Variants in CAMSAP1 observed in about 807,000 individuals in gnomAD.
CAMSAP1 encodes the protein calmodulin-regulated spectrin-associated protein 1.
CAMSAP1 carries 58 observed loss-of-function variants against 143.5 expected under a neutral mutation model. That is an observed-to-expected ratio of 0.40 (90% CI 0.33 to 0.50). CAMSAP1 has a LOEUF of 0.50. CAMSAP1 is among the 20% of genes least tolerant of loss of function. The pLI, the probability that CAMSAP1 is intolerant of heterozygous loss-of-function variation, is 0.45. For synonymous variants in CAMSAP1, 945 were observed against 859.3 expected, an observed-to-expected ratio of 1.10 and a Z score of -1.74; for missense variants, 1,969 against 2,115.7, an observed-to-expected ratio of 0.93 and a Z score of 1.36.
At chr9:135,860,385 G>T (rs1469595466) in intron 5 of CAMSAP1, among the ~76,000 whole-genome samples, 2 of 152,082 alleles carry the variant, frequency 1.3e-5, no homozygotes, top group African/African-American at 4.8e-5. Flanking sequence ...ATCACCTGAG[G>T]TCAGGAGTTC....
At chr9:135,845,186 T>C (rs150862176) in intron 7 of CAMSAP1, among the ~76,000 whole-genome samples, 40 of 152,354 alleles carry the variant, frequency 2.6e-4, no homozygotes, top group African/African-American at 9.6e-4. Flanking sequence ...GTTGGCTTCA[T>C]ACCAGGGATG....
intron 7 of CAMSAP1, among the ~76,000 whole-genome samples, chr9:135,830,657 AG>A (rs890571701): frequency 1.7e-4 from 26 of 152,352 alleles, no homozygotes; most frequent in South Asian, 1.0e-3. Context: ...ATAAAAACAA[AG>A]AACAGCAGGC....
chr9:135,857,403 G>A (rs939824758), intron 5 of CAMSAP1, among the ~76,000 whole-genome samples: 1 of 152,050 alleles, frequency 6.6e-6, no homozygotes, highest in Non-Finnish European at 1.5e-5. Flanking sequence ...TCCTTCCCAA[G>A]AACTGGTTTT....
At chr9:135,886,830 C>T (rs907573479) in intron 1 of CAMSAP1, among the ~76,000 whole-genome samples, 1 of 152,178 alleles carries the variant, frequency 6.6e-6, no homozygotes, top group Non-Finnish European at 1.5e-5. Flanking sequence ...GAACCACTGC[C>T]CAGGAGGCGT....
Position 135,813,600 on chromosome 9 carries a change from C to T in CAMSAP1, c.4506+1497G>A, listed in dbSNP as rs550199561. 2.6e-5 allele frequency among the ~76,000 whole-genome samples: 4 copies of T among 152,302 alleles called. No homozygotes were observed. The East Asian group carries it at 7.7e-4, about 29-fold the overall frequency. ...ACGATAAGGAAGCGTGTGGTGCCCACAGCTTATGTGGCACAGCTGAGAGGG... is the reference window on the plus strand; with the variant it reads ...ACGATAAGGAAGCGTGTGGTGCCCATAGCTTATGTGGCACAGCTGAGAGGG... On this transcript the variant is annotated intron_variant, in intron 16 of 16. Coordinates refer to ENST00000389532, the MANE Select transcript of CAMSAP1 (RefSeq NM_015447.4).
chr9:135,902,527 G>A (rs1403250838), intron 1 of CAMSAP1, among the ~76,000 whole-genome samples: 2 of 152,158 alleles, frequency 1.3e-5, no homozygotes, highest in African/African-American at 2.4e-5. Flanking sequence ...TCATTTTAAC[G>A]AAAAGTCACT....
At chr9:135,837,655 C>T (rs1836130082) in intron 7 of CAMSAP1, among the ~76,000 whole-genome samples, 1 of 151,338 alleles carries the variant, frequency 6.6e-6, no homozygotes, top group African/African-American at 2.4e-5. Flanking sequence ...ACCCCTTCTA[C>T]AGACACACGT....
chr9:135,858,154 CT>C (rs34496524), intron 5 of CAMSAP1, among the ~76,000 whole-genome samples: 38,939 of 141,264 alleles, frequency 0.28, 5,525 homozygotes, highest in Non-Finnish European at 0.33. Context: ...TCCACTTTGC[CT>C]TTTTTTTTTT....
intron 1 of CAMSAP1, among the ~76,000 whole-genome samples, chr9:135,894,914 C>A (rs1472348373): frequency 2.6e-5 from 4 of 152,138 alleles, no homozygotes; most frequent in African/African-American, 9.7e-5. Context: ...TTAGAAAATT[C>A]TGGTAATGAG....
chr9:135,860,826 C>A (rs929088414), intron 5 of CAMSAP1, among the ~76,000 whole-genome samples: 1 of 152,170 alleles, frequency 6.6e-6, no homozygotes, highest in Non-Finnish European at 1.5e-5. Flanking sequence ...AAGAGTTTGT[C>A]TTCCAGCAGG....
chr9:135,863,452 C>A (rs1294912432), intron 4 of CAMSAP1, among the ~76,000 whole-genome samples: 1 of 152,192 alleles, frequency 6.6e-6, no homozygotes, highest in African/African-American at 2.4e-5. Flanking sequence ...TTCTTGCCAA[C>A]CACATTTTCT....
At chr9:135,815,655 T>C (rs1835204978) in intron 15 of CAMSAP1, among the ~76,000 whole-genome samples, 1 of 152,234 alleles carries the variant, frequency 6.6e-6, no homozygotes, top group African/African-American at 2.4e-5. Context: ...CGCTGCCCCC[T>C]GCACAGCAGA....
chr9:135,834,913 C>T lies in CAMSAP1; in HGVS notation c.1046-7329G>A, dbSNP rs560269392. Among the ~76,000 whole-genome samples, 3 of 152,210 alleles carry T rather than the reference C, an allele frequency of 2.0e-5. No individual in the cohort carries two copies. The East Asian group carries it at 5.8e-4, about 29-fold the overall frequency. ...AATAGGACCTGCCCCCATCTTCCCT[C>T]GCGGTCACCAGGCCTATAACCAGGG... On this transcript the variant is annotated intron_variant, in intron 7 of 16. Coordinates refer to ENST00000389532, the MANE Select transcript of CAMSAP1 (RefSeq NM_015447.4).
At chr9:135,861,978 G>C (rs923348153) in intron 5 of CAMSAP1, among the ~76,000 whole-genome samples, 1 of 152,162 alleles carries the variant, frequency 6.6e-6, no homozygotes, top group Non-Finnish European at 1.5e-5. Context: ...GTTCATAAAT[G>C]GTTCATAAAC....
chr9:135,883,221 T>C lies in CAMSAP1; in HGVS notation c.161-143A>G, dbSNP rs114416967. ...ACCAAGTGTCAAAAAAAATAATTGA[T>C]TGATTGATTAAATGAGCAACTAACA... On this transcript the variant is annotated intron_variant, in intron 1 of 16. Transcript: ENST00000389532. 4.8e-4 allele frequency: 416 copies of C among 859,412 alleles called. 4 individuals are homozygous for C. In the African/African-American group the frequency reaches 6.3e-3, roughly 13 times the overall value. 53.2% of individuals were successfully genotyped at this position (859,412 alleles called of 1,614,324 possible). A position where few individuals can be genotyped will look rare whatever the true frequency, so the allele number is the denominator to read the frequency against.
At position 135,821,535 on chromosome 9, in the gene CAMSAP1, A is replaced by C; in HGVS notation, c.3126T>G (p.Ser1042=). ...TCATCAGAAGCTGCTCTTGCTGCTG[A>C]GAGATTTTCAGGATGGCCTGCTGCA... ...STLQQAILKI[S]QQQEQLLMKS... The change falls in exon 11 of 17, where the codon TCT becomes TCG. Residue 1042 remains serine, a synonymous_variant. Coordinates refer to ENST00000389532, the MANE Select transcript of CAMSAP1 (RefSeq NM_015447.4). The surrounding 1 kb of genome is among the most constrained non-coding windows in gnomAD (Gnocchi z 4.6). The C allele has an allele frequency of 6.2e-7, 1 of 1,613,912 alleles. No individual in the cohort carries two copies. The highest frequency in any genetic ancestry group is 8.5e-7 in the Non-Finnish European group (1 of 1,179,888).
Position 135,818,779 on chromosome 9 carries a change from C to T in CAMSAP1, c.3960-163G>A. 9.4e-7 allele frequency: 1 copy of T among 1,067,080 alleles called. No homozygotes were observed. Among genetic ancestry groups the T allele is most frequent in the East Asian group, 2.6e-5 (1 of 38,384 alleles). 66.1% of individuals were successfully genotyped at this position (1,067,080 alleles called of 1,614,324 possible). On this transcript the variant is annotated intron_variant, in intron 12 of 16. Coordinates refer to ENST00000389532, the MANE Select transcript of CAMSAP1 (RefSeq NM_015447.4). The surrounding 1 kb of genome is among the most constrained non-coding windows in gnomAD (Gnocchi z 7.7). ...GGACACAGAGGCTGCAAAGGCAGTC[C>T]TGCAGATGACCCACCGAGGCCACAC... is the stretch of plus-strand genomic sequence containing the variant.
intron 1 of CAMSAP1, among the ~76,000 whole-genome samples, chr9:135,900,492 G>C (rs1293727935): frequency 1.3e-5 from 2 of 151,918 alleles, no homozygotes; most frequent in Admixed American, 6.6e-5. Context: ...AGGAGATCGA[G>C]ACCATCCCGG....
intron 5 of CAMSAP1, among the ~76,000 whole-genome samples, chr9:135,855,748 T>A (rs112436104): frequency 0.03 from 2,538 of 84,588 alleles, 124 homozygotes; most frequent in African/African-American, 0.11. Context: ...CATCTCAATT[T>A]AAAAAAAAAA....
Sources: gnomAD v4.1 joint callset for allele counts (sites outside exome capture counted in the v4.1 genomes callset) on GRCh38, gnomAD v4.1.1 for gene constraint, Gnocchi (gnomAD v3.1) non-coding constraint, MANE v1.5 for transcripts, NCBI Gene and HGNC (gene_info 2026-07-23, HGNC 2026-07-21) for gene names.